Variants in PRKCH observed in about 807,000 individuals in gnomAD.
PRKCH encodes protein kinase C eta type.
Under a neutral mutation model 82.5 loss-of-function variants are expected in PRKCH, and 28 were observed. That is an observed-to-expected ratio of 0.34 (90% CI 0.25 to 0.47). The LOEUF (loss-of-function observed/expected upper bound fraction) is 0.47. Among genes scored for constraint, PRKCH ranks in the 20% least tolerant of loss-of-function variants. The probability of loss-of-function intolerance (pLI) is 1.00; values close to 1 mark genes in which losing one functional copy is unlikely to be tolerated. For synonymous variants in PRKCH, 322 were observed against 327.4 expected (o/e 0.98, Z 0.18); for missense variants, 705 against 881.8 (o/e 0.80, Z 2.54).
intron 1 of PRKCH, among the ~76,000 whole-genome samples, chr14:61,236,726 A>AAAAAAAAAG (rs1566790085): frequency 6.8e-6 from 1 of 147,054 alleles, no homozygotes; most frequent in African/African-American, 2.5e-5. Flanking sequence ...AAAAAAAAAA[A>AAAAAAAAAG]AAAAAGAAAA....
intron 1 of PRKCH, among the ~76,000 whole-genome samples, chr14:61,226,486 A>C (rs2044697183): frequency 6.6e-6 from 1 of 152,200 alleles, no homozygotes; most frequent in Admixed American, 6.5e-5. Flanking sequence ...TGACAACTTG[A>C]TGTGGGTTTG....
chr14:61,250,864 AT>A (rs1001335895), intron 1 of PRKCH, among the ~76,000 whole-genome samples: 1 of 152,056 alleles, frequency 6.6e-6, no homozygotes, highest in Non-Finnish European at 1.5e-5. Context: ...TTTCTGCTCA[AT>A]TTTTCTGTAA....
chr14:61,250,638 C>T (rs942966964), intron 1 of PRKCH, among the ~76,000 whole-genome samples: 10 of 152,054 alleles, frequency 6.6e-5, no homozygotes, highest in African/African-American at 1.4e-4. Context: ...GGTAGTAAAA[C>T]GATTCTGCAT....
At chr14:61,472,321 C>A (rs1182451233) in intron 9 of PRKCH, among the ~76,000 whole-genome samples, 1 of 152,232 alleles carries the variant, frequency 6.6e-6, no homozygotes, top group Non-Finnish European at 1.5e-5. Context: ...ATTACACTTT[C>A]ACTTTACCAG....
At chr14:61,324,402 T>C (rs556278736) in intron 1 of PRKCH, among the ~76,000 whole-genome samples, 42 of 152,192 alleles carry the variant, frequency 2.8e-4, no homozygotes, top group Non-Finnish European at 4.4e-4. Flanking sequence ...TTAAATGACC[T>C]TGAAACCAGC....
chr14:61,267,615 AC>A (rs1434507838), intron 1 of PRKCH, among the ~76,000 whole-genome samples: 4 of 152,202 alleles, frequency 2.6e-5, no homozygotes, highest in Non-Finnish European at 5.9e-5. Flanking sequence ...GTATTCGTTT[AC>A]ATCAGAGGAG....
intron 10 of PRKCH, among the ~76,000 whole-genome samples, chr14:61,501,651 A>C (rs1283387611): frequency 2.6e-5 from 4 of 152,164 alleles, no homozygotes; most frequent in Non-Finnish European, 2.9e-5. Flanking sequence ...ATTTGTCTGC[A>C]GGAATTCATG....
At chr14:61,322,512 C>T (rs1386456827) in intron 1 of PRKCH, 48 bp downstream of exon 1, 1 of 1,544,414 alleles carries the variant, frequency 6.5e-7, no homozygotes. Flanking sequence ...ACCCCCGTTC[C>T]CCTTATGTTT....
At chr14:61,508,385 C>T (rs1887242968) in intron 10 of PRKCH, among the ~76,000 whole-genome samples, 1 of 152,184 alleles carries the variant, frequency 6.6e-6, no homozygotes, top group South Asian at 2.1e-4. Flanking sequence ...GAGTTGTGTT[C>T]CCCTCTAGGT....
chr14:61,489,444 A>T (rs1034635167), intron 10 of PRKCH, among the ~76,000 whole-genome samples: 1 of 152,250 alleles, frequency 6.6e-6, no homozygotes, highest in Non-Finnish European at 1.5e-5. Flanking sequence ...GCAAGAGGAC[A>T]TGGGCCAGTT....
chr14:61,529,838 T>C (rs2043020991), intron 11 of PRKCH, among the ~76,000 whole-genome samples: 2 of 151,110 alleles, frequency 1.3e-5, no homozygotes, highest in South Asian at 4.2e-4. Flanking sequence ...CGCACCAGCA[T>C]GGCACATGTA....
chr14:61,537,448 C>T (rs2043126516), intron 12 of PRKCH: 1 of 152,160 alleles, frequency 6.6e-6, no homozygotes, highest in Non-Finnish European at 1.5e-5. Flanking sequence ...TCCCAAAATG[C>T]TGATAATGAT....
At chr14:61,512,810 G>T (rs902285262) in intron 10 of PRKCH, among the ~76,000 whole-genome samples, 8 of 152,164 alleles carry the variant, frequency 5.3e-5, no homozygotes, top group East Asian at 3.9e-4. Context: ...TGTTTTGGGG[G>T]TTTTTTAAAT....
At chr14:61,396,432 G>T (rs1039492573) in intron 2 of PRKCH, among the ~76,000 whole-genome samples, 4 of 152,154 alleles carry the variant, frequency 2.6e-5, no homozygotes, top group African/African-American at 9.7e-5. Context: ...GCTGGGTGCA[G>T]ACCTGTAATC....
intron 12 of PRKCH, among the ~76,000 whole-genome samples, chr14:61,531,024 C>G (rs1384351210): frequency 2.0e-5 from 3 of 152,140 alleles, no homozygotes; most frequent in Admixed American, 6.5e-5. Flanking sequence ...GGGTCTTTCT[C>G]TTAGGGCTGG....
chr14:61,505,390 CTTTTCTTTTTTTTTTT>C (rs1174368279), intron 10 of PRKCH, among the ~76,000 whole-genome samples: 1 of 74,752 alleles, frequency 1.3e-5, no homozygotes, highest in Non-Finnish European at 2.6e-5. Flanking sequence ...CTTTTCTTTT[CTTTTCTTTTTTTTTTT>C]TTTTTTTTTT....
At position 61,485,546 on chromosome 14, in the gene PRKCH, G is replaced by C. The variant is rs1886180706; in HGVS notation, c.1323G>C (p.Leu441Phe). ...TGGAGTTTGTGAATGGGGGTGACTT[G>C]ATGTTCCACATTCAGAAGTCTCGTC... is the stretch of plus-strand genomic sequence containing the variant. ...FVMEFVNGGD[L>F]MFHIQKSRRF... The change falls in exon 10 of 14, where the codon TTG becomes TTC. Residue 441 changes from leucine (L) to phenylalanine (F), a missense_variant. This residue lies in a region of PRKCH where 238 missense variants were observed against 258.1 expected (regional missense o/e 0.92). Coordinates refer to ENST00000332981, the MANE Select transcript of PRKCH (RefSeq NM_006255.5). 21 of 1,614,042 alleles carry C rather than the reference G, an allele frequency of 1.3e-5. No homozygotes were observed. Among genetic ancestry groups the C allele is most frequent in the Non-Finnish European group, 1.8e-5 (21 of 1,180,024 alleles).
intron 10 of PRKCH, among the ~76,000 whole-genome samples, chr14:61,523,687 A>G (rs952441381): frequency 6.6e-6 from 1 of 152,192 alleles, no homozygotes; most frequent in African/African-American, 2.4e-5. Context: ...GGTTTTCTAG[A>G]CAGACCCACA....
intron 2 of PRKCH, among the ~76,000 whole-genome samples, chr14:61,400,860 A>G (rs562666129): frequency 1.8e-4 from 27 of 152,308 alleles, no homozygotes; most frequent in African/African-American, 5.5e-4. Flanking sequence ...CTAATTTACT[A>G]TGGTCTTTCC....
Sources: allele counts gnomAD v4.1 joint callset (sites outside exome capture counted in the v4.1 genomes callset), GRCh38; gene constraint gnomAD v4.1.1; regional missense constraint gnomAD v4.1.1; transcripts MANE v1.5; gene names NCBI Gene and HGNC (gene_info 2026-07-23, HGNC 2026-07-21).